OXSR1: variants seen among roughly 807,000 people sequenced by gnomAD.
The protein encoded by OXSR1 is oxidative stress responsive kinase 1.
OXSR1 carries 24 observed loss-of-function variants against 79.8 expected under a neutral mutation model. The ratio of observed to expected loss-of-function variants is 0.30; its 90% CI spans 0.22 to 0.42. OXSR1 has a LOEUF of 0.42. Among genes scored for constraint, OXSR1 ranks in the 10% least tolerant of loss-of-function variants. The pLI, the probability that OXSR1 is intolerant of heterozygous loss-of-function variation, is 1.00. For synonymous variants in OXSR1, 226 were observed against 209.2 expected, an observed-to-expected ratio of 1.08 and a Z score of -0.69; for missense variants, 430 against 618.4, an observed-to-expected ratio of 0.70 and a Z score of 3.23.
At chr3:38,175,554 G>A (rs916507767) in intron 1 of OXSR1, among the ~76,000 whole-genome samples, 19 of 152,272 alleles carry the variant, frequency 1.2e-4, no homozygotes, top group Non-Finnish European at 2.8e-4. Flanking sequence ...GCCTGCCTTG[G>A]CCTCCCAAAG....
chr3:38,250,078 G>A (rs1703224573), intron 15 of OXSR1, 60 bp downstream of exon 15: 1 of 1,132,068 alleles, frequency 8.8e-7, no homozygotes, highest in African/African-American at 1.5e-5. Context: ...AATGAAATGT[G>A]TTGTGAAGTT....
rs1368779881 is a variant in OXSR1 at position 38,252,828 on chromosome 3, C to T, written c.1521C>T (p.Val507=). 14 of 1,612,540 alleles carry T rather than the reference C, an allele frequency of 8.7e-6. No individual in the cohort carries two copies. The highest frequency in any genetic ancestry group is 6.6e-5 in the South Asian group (6 of 91,026). The change falls in exon 18 of 18, where the codon GTC becomes GTT. Residue 507 remains valine, a synonymous_variant. Coordinates refer to ENST00000311806, the MANE Select transcript of OXSR1 (RefSeq NM_005109.3). Reference sequence around the variant, plus strand: ...TGTTTGGTTCTTAGGCATCTGGTGTCGAAGGCTCAGATATTCCTGATGATG... The same window carrying T: ...TGTTTGGTTCTTAGGCATCTGGTGTTGAAGGCTCAGATATTCCTGATGATG... ...RSVTFKLASG[V]EGSDIPDDGK... is the part of the protein sequence containing the mutation.
chr3:38,187,986 T>A (rs966757017), intron 2 of OXSR1, among the ~76,000 whole-genome samples: 1 of 152,172 alleles, frequency 6.6e-6, no homozygotes, highest in Non-Finnish European at 1.5e-5. Context: ...TTTATTTTTC[T>A]TTTTGAAAGG....
chr3:38,234,524 C>T (rs1049334857), intron 10 of OXSR1, among the ~76,000 whole-genome samples: 2 of 152,106 alleles, frequency 1.3e-5, no homozygotes, highest in Non-Finnish European at 2.9e-5. Context: ...CAGAGAAATG[C>T]AAATCAAAAT....
At chr3:38,237,000 T>C in intron 11 of OXSR1, 39 bp downstream of exon 11, 1 of 1,570,760 alleles carries the variant, frequency 6.4e-7, no homozygotes, top group Non-Finnish European at 8.7e-7. Context: ...CTAGAACTTT[T>C]TGTAGTTCTT....
At chr3:38,168,958 C>T (rs146558920) in intron 1 of OXSR1, among the ~76,000 whole-genome samples, 23 of 152,304 alleles carry the variant, frequency 1.5e-4, no homozygotes, top group African/African-American at 5.5e-4. Context: ...GAATATGTTT[C>T]ATTTTTCTTG....
chr3:38,193,143 A>G (rs1702012993), intron 3 of OXSR1: 2 of 480,188 alleles, frequency 4.2e-6, no homozygotes, highest in Admixed American at 2.8e-5. Flanking sequence ...AGTAAATGAG[A>G]TGATACATGT....
At chr3:38,175,793 C>T (rs1221221980) in intron 1 of OXSR1, among the ~76,000 whole-genome samples, 2 of 152,108 alleles carry the variant, frequency 1.3e-5, no homozygotes, top group East Asian at 1.9e-4. Context: ...CGTAGGCTAA[C>T]GTTGGTTGCA....
intron 3 of OXSR1, among the ~76,000 whole-genome samples, chr3:38,193,964 AC>A (rs1328778115): frequency 6.6e-6 from 1 of 152,186 alleles, no homozygotes; most frequent in Non-Finnish European, 1.5e-5. Flanking sequence ...AAACATTTAA[AC>A]TGAGATGAAA....
intron 4 of OXSR1, among the ~76,000 whole-genome samples, chr3:38,211,091 A>T (rs779799933): frequency 5.3e-5 from 8 of 152,196 alleles, no homozygotes; most frequent in Non-Finnish European, 1.2e-4. Context: ...TTGACAGTTG[A>T]GGAAAAACTG....
intron 15 of OXSR1, among the ~76,000 whole-genome samples, chr3:38,250,766 GAATT>G (rs1440626904): frequency 2.6e-5 from 4 of 152,112 alleles, no homozygotes; most frequent in Non-Finnish European, 4.4e-5. Flanking sequence ...ACATTTTCAG[GAATT>G]AATTCAAATT....
At chr3:38,214,985 A>G (rs954865704) in intron 4 of OXSR1, among the ~76,000 whole-genome samples, 28 of 152,192 alleles carry the variant, frequency 1.8e-4, no homozygotes, top group African/African-American at 6.8e-4. Flanking sequence ...TGTAGCTTCA[A>G]GGGCTACCTT....
At chr3:38,181,921 A>G (rs1298669569) in intron 1 of OXSR1, among the ~76,000 whole-genome samples, 5 of 150,258 alleles carry the variant, frequency 3.3e-5, no homozygotes, top group African/African-American at 7.4e-5. Context: ...GGTTCTTGCT[A>G]TGTTTCCCAG....
At chr3:38,227,648 G>A (rs1468436705) in intron 8 of OXSR1, among the ~76,000 whole-genome samples, 1 of 151,694 alleles carries the variant, frequency 6.6e-6, no homozygotes, top group Non-Finnish European at 1.5e-5. Flanking sequence ...TAGGAGAAGC[G>A]ATATTCAAAG....
chr3:38,183,315 A>G (rs538231514), intron 2 of OXSR1, among the ~76,000 whole-genome samples, 200 bp downstream of exon 2: 1 of 152,380 alleles, frequency 6.6e-6, no homozygotes, highest in Non-Finnish European at 1.5e-5. Flanking sequence ...TCTGAGACTA[A>G]CATTTAATAT....
chr3:38,214,339 T>C (rs1313568526), intron 4 of OXSR1, among the ~76,000 whole-genome samples: 4 of 152,078 alleles, frequency 2.6e-5, no homozygotes, highest in African/African-American at 9.7e-5. Flanking sequence ...TAAGTACAGG[T>C]GACTATAGTA....
Position 38,224,595 on chromosome 3 carries a change from G to A in OXSR1, c.727G>A (p.Asp243Asn), listed in dbSNP as rs1702653665. The A allele has an allele frequency of 6.3e-7, 1 of 1,590,168 alleles. No individual in the cohort carries two copies. The highest frequency in any genetic ancestry group is 8.5e-7 in the Non-Finnish European group (1 of 1,171,900). The change falls in exon 8 of 18, where the codon GAT becomes AAT. Residue 243 changes from aspartate (D) to asparagine (N), a missense_variant. By Grantham distance (23) the Asp-to-Asn change is conservative. Coordinates refer to ENST00000311806, the MANE Select transcript of OXSR1 (RefSeq NM_005109.3). The stretch of plus-strand genomic sequence containing the variant: ...GGTTTTAATGCTGACACTGCAGAAC[G>A]ATCCTCCTTCTTTGGAAACTGGTGT... ...MKVLMLTLQN[D>N]PPSLETGVQD...
In OXSR1 at chr3:38,209,624, TCAA is replaced by T. The variant is rs1702343826; in HGVS notation, c.435-6471_435-6469del. Among the ~76,000 whole-genome samples the T allele has an allele frequency of 4.0e-5, 6 of 150,800 alleles. No homozygotes were observed. The South Asian group carries it at 1.2e-3, about 31-fold the overall frequency. ...CCATTTCGTTTCCTCTCTTAGGATA[TCAA>T]TTATACTTTTTTTTTTTTTTTTTTT... On this transcript the variant is annotated intron_variant, in intron 4 of 17. Transcript: ENST00000311806.
chr3:38,218,089 C>G (rs571896119), intron 5 of OXSR1, among the ~76,000 whole-genome samples: 1 of 152,246 alleles, frequency 6.6e-6, no homozygotes, highest in South Asian at 2.1e-4. Context: ...GTCCAAATAT[C>G]TGTCTGAGTT....
Sources: gnomAD v4.1 joint callset for allele counts (sites outside exome capture counted in the v4.1 genomes callset) on GRCh38, gnomAD v4.1.1 for gene constraint, MANE v1.5 for transcripts, NCBI Gene and HGNC (gene_info 2026-07-23, HGNC 2026-07-21) for gene names.